The following PARVB variants were observed in gnomAD, a reference collection of about 807,000 sequenced individuals.
PARVB encodes the protein beta-parvin.
PARVB carries 46 observed loss-of-function variants against 47.0 expected under a neutral mutation model. The observed-to-expected ratio is 0.98, with a 90% confidence interval of 0.77 to 1.25. The LOEUF (loss-of-function observed/expected upper bound fraction) is 1.25, where lower values mean the gene tolerates loss of function less well. PARVB is among the 50% of genes most tolerant of loss of function. PARVB has a pLI of 0.00. For synonymous variants in PARVB, 196 were observed against 196.3 expected (o/e 1.00, Z 0.01); for missense variants, 473 against 471.6 (o/e 1.00, Z -0.03).
intron 1 of PARVB, among the ~76,000 whole-genome samples, chr22:44,064,007 C>T (rs1032577616): frequency 3.0e-4 from 45 of 152,342 alleles, no homozygotes; most frequent in African/African-American, 8.9e-4. Context: ...CTTTCCTCCT[C>T]GGTTTCTGTG....
chr22:44,159,095 G>A (rs752840437), intron 11 of PARVB, among the ~76,000 whole-genome samples: 5 of 152,182 alleles, frequency 3.3e-5, no homozygotes, highest in African/African-American at 4.8e-5. Flanking sequence ...GAGCAAGAGG[G>A]AGTGCAGAGG....
chr22:44,119,261 C>A, intron 4 of PARVB, 121 bp downstream of exon 4: 1 of 724,944 alleles, frequency 1.4e-6, no homozygotes, highest in Non-Finnish European at 2.5e-6. Context: ...CTCAAAGCTG[C>A]AGTGTGCATC....
In PARVB at chr22:44,158,089, T is replaced by G; in HGVS notation, c.945+6T>G. Reference sequence around the variant, plus strand: ...CGGAAAGCTTCGATCAGAAGGTATGTGCATGGTCTCCATCCTTGGTAGGGG... The same window carrying G: ...CGGAAAGCTTCGATCAGAAGGTATGGGCATGGTCTCCATCCTTGGTAGGGG... On this transcript the variant is annotated splice_donor_region_variant and intron_variant, in intron 11 of 12. Coordinates refer to ENST00000338758, the MANE Select transcript of PARVB (RefSeq NM_013327.5). The G allele has an allele frequency of 6.3e-7, 1 of 1,585,972 alleles. No individual in the cohort carries two copies. The highest frequency in any genetic ancestry group is 8.7e-7 in the Non-Finnish European group (1 of 1,154,294).
rs554947605 is a variant in PARVB at position 44,163,630 on chromosome 22, G to T, written c.946-228G>T. 7.9e-5 allele frequency among the ~76,000 whole-genome samples: 12 copies of T among 152,332 alleles called. No homozygotes were observed. The East Asian group carries it at 2.3e-3, about 29-fold the overall frequency. ...CCTCATCCTTCCATCTCTCAGCCCAGATCACTGGTGTGAGGGGTGAGAACC... is the reference window on the plus strand; with the variant it reads ...CCTCATCCTTCCATCTCTCAGCCCATATCACTGGTGTGAGGGGTGAGAACC... On this transcript the variant is annotated intron_variant, in intron 11 of 12. Transcript: ENST00000338758.
intron 4 of PARVB, 93 bp from the exon 5 acceptor site, chr22:44,131,394 G>A (rs878908363): frequency 1.0e-4 from 138 of 1,359,544 alleles, no homozygotes; most frequent in African/African-American, 4.8e-4. Context: ...CACCCACCTC[G>A]GCCTCTCAAA....
intron 3 of PARVB, chr22:44,107,268 G>A (rs1335754408): frequency 6.6e-6 from 1 of 152,236 alleles, no homozygotes; most frequent in Non-Finnish European, 1.5e-5. Context: ...ACTTATGGGT[G>A]AACACTGAAT....
chr22:44,044,578 C>G (rs754822140), intron 1 of PARVB, among the ~76,000 whole-genome samples: 1 of 152,008 alleles, frequency 6.6e-6, no homozygotes, highest in East Asian at 1.9e-4. Context: ...CTCTGCCTCC[C>G]GGGTTCAAGT....
rs2053559168 is a variant in PARVB at position 44,141,936 on chromosome 22, C to T, written c.712+1793C>T. ...GGGAGGCGAAACCGCAGTGGGGTCACAGCTCATGGGACCGGGGTGAGGCGT... is the reference window on the plus strand; with the variant it reads ...GGGAGGCGAAACCGCAGTGGGGTCATAGCTCATGGGACCGGGGTGAGGCGT... On this transcript the variant is annotated intron_variant, in intron 8 of 12. Coordinates refer to ENST00000338758, the MANE Select transcript of PARVB (RefSeq NM_013327.5). 2.0e-5 allele frequency: 3 copies of T among 152,194 alleles called. No homozygotes were observed. In the South Asian group the frequency reaches 6.2e-4, roughly 32 times the overall value. The allele number at this position is 152,194 out of a possible 1,614,324, so 9.4% of individuals were successfully genotyped here.
chr22:44,154,274 A>G (rs2053871393), intron 10 of PARVB, among the ~76,000 whole-genome samples: 2 of 152,228 alleles, frequency 1.3e-5, no homozygotes, highest in Non-Finnish European at 1.5e-5. Context: ...TCCCCCAGAA[A>G]AGGTCGCTGG....
intron 9 of PARVB, chr22:44,148,606 A>G (rs957085727): frequency 6.4e-6 from 1 of 156,448 alleles, no homozygotes; most frequent in African/African-American, 2.4e-5. Flanking sequence ...TGCAGGCAAG[A>G]GAGTTCTCCT....
At chr22:44,014,166 C>T (rs1313333573) in intron 2 of PARVB, among the ~76,000 whole-genome samples, 3 of 152,184 alleles carry the variant, frequency 2.0e-5, no homozygotes, top group Admixed American at 6.5e-5. Flanking sequence ...ACAATGTTTC[C>T]GTTTGTTCAA....
At position 44,155,343 on chromosome 22, in the gene PARVB, C is replaced by T. The variant is rs1226655366; in HGVS notation, c.844-2639C>T. ...GCCTCCGTGGGGATTCTGCTCCCTG[C>T]TGAGCTAGACAGCAGGTTGTGGAGA... On this transcript the variant is annotated intron_variant, in intron 10 of 12. Transcript: ENST00000338758. This position sits in a 1 kb window ranked among gnomAD's most constrained non-coding sequence, Gnocchi z 4.8. 6.6e-6 allele frequency among the ~76,000 whole-genome samples: 1 copy of T among 152,094 alleles called. No homozygotes were observed. Among genetic ancestry groups the T allele is most frequent in the Non-Finnish European group, 1.5e-5 (1 of 68,010 alleles).
At chr22:44,023,425 C>T (rs1327881801), upstream of PARVB, among the ~76,000 whole-genome samples, 3 of 151,940 alleles carry the variant, frequency 2.0e-5, no homozygotes, top group Non-Finnish European at 4.4e-5. Flanking sequence ...ACAGGAGAAT[C>T]GCTTTAACTC....
intron 2 of PARVB, among the ~76,000 whole-genome samples, chr22:44,018,996 C>T (rs545819671): frequency 1.3e-5 from 2 of 152,176 alleles, no homozygotes; most frequent in Admixed American, 1.3e-4. Context: ...TGGCTCACTG[C>T]AACCTCCACC....
chr22:44,166,479 C>G (rs1029525321), intron 12 of PARVB, among the ~76,000 whole-genome samples: 2 of 152,152 alleles, frequency 1.3e-5, no homozygotes, highest in East Asian at 3.8e-4. Context: ...ACAGGCCGGC[C>G]TCCTAGGAGG....
At chr22:44,069,491 A>G (rs2051605583) in intron 1 of PARVB, among the ~76,000 whole-genome samples, 1 of 151,752 alleles carries the variant, frequency 6.6e-6, no homozygotes, top group Non-Finnish European at 1.5e-5. Context: ...TTTCTTTTTC[A>G]TAGGGGTACC....
intron 1 of PARVB, among the ~76,000 whole-genome samples, chr22:44,043,373 T>C (rs1369893341): frequency 4.0e-5 from 6 of 151,676 alleles, no homozygotes; most frequent in African/African-American, 1.5e-4. Context: ...TGTACACTTA[T>C]TTATTTATTT....
chr22:44,146,815 T>A (rs1273707654), intron 8 of PARVB: 1 of 152,374 alleles, frequency 6.6e-6, no homozygotes, highest in East Asian at 1.9e-4. Flanking sequence ...GCTCCTTGGG[T>A]TGGGGCCCCA....
intron 3 of PARVB, among the ~76,000 whole-genome samples, chr22:44,101,250 A>T (rs2052437416): frequency 6.6e-6 from 1 of 151,684 alleles, no homozygotes; most frequent in South Asian, 2.1e-4. Context: ...TCTACTAAAA[A>T]TACAAAAAAT....
Sources: allele counts gnomAD v4.1 joint callset (sites outside exome capture counted in the v4.1 genomes callset), GRCh38; gene constraint gnomAD v4.1.1; non-coding constraint Gnocchi (gnomAD v3.1); transcripts MANE v1.5; gene names NCBI Gene and HGNC (gene_info 2026-07-23, HGNC 2026-07-21).